The following RIMKLB variants were observed in gnomAD, a reference collection of about 807,000 sequenced individuals.
RIMKLB encodes beta-citrylglutamate synthase B.
Under a neutral mutation model 32.0 loss-of-function variants are expected in RIMKLB, and 7 were observed. The observed-to-expected ratio is 0.22, with a 90% CI of 0.12 to 0.41. The LOEUF (loss-of-function observed/expected upper bound fraction) is 0.41. Ranked by LOEUF, RIMKLB falls within the 10% of genes least tolerant of loss-of-function variation. RIMKLB has a pLI of 1.00. For missense variants in RIMKLB, 289 were observed against 498.7 expected, an observed-to-expected ratio of 0.58 and a Z score of 4.00; for synonymous variants, 172 against 185.1, an observed-to-expected ratio of 0.93 and a Z score of 0.57.
chr12:8,724,624 CCTGGAGTCTAGCTT>C (rs1211725714), intron 2 of RIMKLB, among the ~76,000 whole-genome samples: 1 of 152,128 alleles, frequency 6.6e-6, no homozygotes, highest in African/African-American at 2.4e-5. Context: ...CAGCACTGGG[CCTGGAGTCTAGCTT>C]CATAAGTGCT....
intron 2 of RIMKLB, among the ~76,000 whole-genome samples, chr12:8,716,557 ATTTT>A (rs773708083): frequency 1.0e-5 from 1 of 95,892 alleles, no homozygotes. Flanking sequence ...TCATGGCTTC[ATTTT>A]TTTTTTTTTT....
chr12:8,775,483 G>A lies in RIMKLB; in HGVS notation c.*1699G>A, dbSNP rs1361125682. On this transcript the variant is annotated 3_prime_UTR_variant, in exon 6 of 6. Transcript: ENST00000535829. ...AACAGCAAGTTTTCCATCTCCCTAC[G>A]AATCCTCTGAAGCTTTTACCCAAGC... 5 of 985,582 alleles carry A rather than the reference G, an allele frequency of 5.1e-6. No individual in the cohort carries two copies. The highest frequency in any genetic ancestry group is 1.7e-5 in the African/African-American group (1 of 57,202). 61.1% of individuals were successfully genotyped at this position (985,582 alleles called of 1,614,324 possible). A position where few individuals can be genotyped will look rare whatever the true frequency, so the allele number is the denominator to read the frequency against.
At chr12:8,727,425 T>G (rs978444705) in intron 2 of RIMKLB, among the ~76,000 whole-genome samples, 3 of 152,146 alleles carry the variant, frequency 2.0e-5, no homozygotes, top group African/African-American at 7.2e-5. Context: ...TTAGTAGAGA[T>G]AGGGTTTCAC....
At chr12:8,688,961 A>G (rs1043810579) in intron 1 of RIMKLB, among the ~76,000 whole-genome samples, 1 of 151,990 alleles carries the variant, frequency 6.6e-6, no homozygotes, top group African/African-American at 2.4e-5. Context: ...CAGCCTCCCA[A>G]GTAGCTGGGA....
chr12:8,753,097 A>G (rs1948751194), intron 4 of RIMKLB, among the ~76,000 whole-genome samples: 1 of 152,124 alleles, frequency 6.6e-6, no homozygotes, highest in Non-Finnish European at 1.5e-5. Context: ...GTACAGTGAC[A>G]TATTTTGTGT....
Position 8,776,150 on chromosome 12 carries a change from A to G in RIMKLB, c.*2366A>G. The G allele has an allele frequency of 1.0e-6, 1 of 985,140 alleles. No homozygotes were observed. The highest frequency in any genetic ancestry group is 1.2e-6 in the Non-Finnish European group (1 of 829,634). The allele number at this position is 985,140 out of a possible 1,614,324, so 61.0% of individuals were successfully genotyped here. A position where few individuals can be genotyped will look rare whatever the true frequency, so the allele number is the denominator to read the frequency against. On this transcript the variant is annotated 3_prime_UTR_variant, in exon 6 of 6. Transcript: ENST00000535829. Reference sequence around the variant, plus strand: ...TGTTGGTGGGGTAAGGCATCAGGAAAAATGTAGTTAGTCTTTTCTTAACTT... The same window carrying G: ...TGTTGGTGGGGTAAGGCATCAGGAAGAATGTAGTTAGTCTTTTCTTAACTT...
At chr12:8,687,450 A>G (rs144607861) in intron 1 of RIMKLB, among the ~76,000 whole-genome samples, 267 of 152,264 alleles carry the variant, frequency 1.8e-3, no homozygotes, top group African/African-American at 6.3e-3. Flanking sequence ...CTGAAACAAA[A>G]AGCTCCAGAG....
At chr12:8,675,592 T>A in the RIMKLB span, among the ~76,000 whole-genome samples, 1 of 152,202 alleles carries the variant, frequency 6.6e-6, no homozygotes, top group African/African-American at 2.4e-5. Context: ...TTTATTCTGG[T>A]ACAAAGAGTG....
chr12:8,718,637 GTCTC>G (rs759765108), intron 2 of RIMKLB, among the ~76,000 whole-genome samples: 113 of 136,310 alleles, frequency 8.3e-4, no homozygotes, highest in African/African-American at 2.5e-3. Flanking sequence ...GCGAGACTCC[GTCTC>G]TCTCTCTCTC....
intron 2 of RIMKLB, among the ~76,000 whole-genome samples, chr12:8,742,022 T>A (rs1310613401): frequency 6.6e-6 from 1 of 151,338 alleles, no homozygotes; most frequent in Non-Finnish European, 1.5e-5. Context: ...TGCCTCAGCT[T>A]CCCAAGTAGC....
chr12:8,709,661 A>G (rs1256222589), intron 1 of RIMKLB, among the ~76,000 whole-genome samples: 1 of 152,004 alleles, frequency 6.6e-6, no homozygotes, highest in Non-Finnish European at 1.5e-5. Flanking sequence ...GCAGTGTACC[A>G]CTGGACAGGT....
intron 3 of RIMKLB, 96 bp downstream of exon 3, chr12:8,750,188 G>A (rs1276513713): frequency 7.2e-6 from 5 of 699,152 alleles, no homozygotes; most frequent in Admixed American, 2.3e-5. Flanking sequence ...TTATAGAAGT[G>A]TCTTTCAGTT....
At chr12:8,711,235 AG>A (rs1271676460) in intron 1 of RIMKLB, among the ~76,000 whole-genome samples, 1 of 146,910 alleles carries the variant, frequency 6.8e-6, no homozygotes, top group Non-Finnish European at 1.5e-5. Flanking sequence ...CTCCATCTCA[AG>A]GAAAAAAAAA....
chr12:8,749,467 C>G (rs964099126), intron 2 of RIMKLB, among the ~76,000 whole-genome samples: 2 of 152,204 alleles, frequency 1.3e-5, no homozygotes, highest in Admixed American at 1.3e-4. Context: ...CCTTGGCATC[C>G]CAAAGTGTTG....
chr12:8,685,339 C>T (rs1942537110), intron 1 of RIMKLB, among the ~76,000 whole-genome samples: 1 of 152,098 alleles, frequency 6.6e-6, no homozygotes, highest in Non-Finnish European at 1.5e-5. Flanking sequence ...TTATTTTTAT[C>T]CCATACTTCA....
chr12:8,684,679 G>C (rs954417556), intron 1 of RIMKLB, among the ~76,000 whole-genome samples: 1 of 151,600 alleles, frequency 6.6e-6, no homozygotes, highest in Non-Finnish European at 1.5e-5. Flanking sequence ...CAGGCTGGAG[G>C]GCAGTGGCAC....
chr12:8,746,215 A>G (rs1321032833), intron 2 of RIMKLB, among the ~76,000 whole-genome samples: 2 of 151,438 alleles, frequency 1.3e-5, no homozygotes, highest in African/African-American at 4.9e-5. Flanking sequence ...CTTATCTCAA[A>G]ATTTTTCATC....
At chr12:8,739,260 C>T (rs968472768) in intron 2 of RIMKLB, among the ~76,000 whole-genome samples, 8 of 152,146 alleles carry the variant, frequency 5.3e-5, no homozygotes, top group African/African-American at 1.9e-4. Flanking sequence ...TTGCAGATGG[C>T]CGTCTTGCTG....
At chr12:8,680,735 T>G (rs1325581732), upstream of RIMKLB, among the ~76,000 whole-genome samples, 3 of 152,158 alleles carry the variant, frequency 2.0e-5, no homozygotes, top group Admixed American at 6.6e-5. Context: ...GGGCACTGCC[T>G]CATTCAGTTA....
Sources: allele counts gnomAD v4.1 joint callset (sites outside exome capture counted in the v4.1 genomes callset), GRCh38; gene constraint gnomAD v4.1.1; transcripts MANE v1.5; gene names NCBI Gene and HGNC (gene_info 2026-07-23, HGNC 2026-07-21).